Variants in ERCC6L2 observed in about 807,000 individuals in gnomAD.
ERCC6L2 encodes the protein ERCC excision repair 6 like 2, also known as DNA excision repair protein ERCC-6-like 2.
ERCC6L2 carries 77 observed loss-of-function variants against 132.0 expected under a neutral mutation model. That is an observed-to-expected ratio of 0.58 (90% CI 0.49 to 0.71). ERCC6L2 has a LOEUF of 0.71. Among genes scored for constraint, ERCC6L2 ranks in the 30% least tolerant of loss-of-function variants. ERCC6L2 has a pLI of 0.00. For synonymous variants in ERCC6L2, 583 were observed against 632.4 expected, an observed-to-expected ratio of 0.92 and a Z score of 1.17; for missense variants, 1,542 against 1,837.6, an observed-to-expected ratio of 0.84 and a Z score of 2.94.
At chr9:95,878,714 T>G (rs907277209) in intron 1 of ERCC6L2, among the ~76,000 whole-genome samples, 1 of 146,694 alleles carries the variant, frequency 6.8e-6, no homozygotes, top group Non-Finnish European at 1.5e-5. Flanking sequence ...TGTCCATGTG[T>G]TCTCATTGTT....
intron 11 of ERCC6L2, among the ~76,000 whole-genome samples, chr9:95,938,933 TTTTTAGTGTA>T (rs1334598860): frequency 6.6e-6 from 1 of 151,950 alleles, no homozygotes; most frequent in African/African-American, 2.4e-5. Flanking sequence ...TGTATAGTGT[TTTTTAGTGTA>T]TTGCTTTGTG....
chr9:95,958,176 A>G (rs1356771112), intron 13 of ERCC6L2, among the ~76,000 whole-genome samples: 1 of 151,834 alleles, frequency 6.6e-6, no homozygotes, highest in Non-Finnish European at 1.5e-5. Flanking sequence ...TTCCAATGTC[A>G]TCCATGTCCC....
chr9:96,011,306 T>C (rs917346934), intron 18 of ERCC6L2, among the ~76,000 whole-genome samples: 1 of 152,234 alleles, frequency 6.6e-6, no homozygotes, highest in Non-Finnish European at 1.5e-5. Flanking sequence ...GTGTGGGTTC[T>C]CTGGCATCTC....
At position 96,034,184 on chromosome 9, in the gene ERCC6L2, T is replaced by G. The variant is rs1834494090; in HGVS notation, c.*1504-4692T>G. 1.3e-5 allele frequency among the ~76,000 whole-genome samples: 2 copies of G among 152,166 alleles called. 1 individual carries two copies. The highest frequency in any genetic ancestry group is 1.3e-4 in the Admixed American group (2 of 15,266). ...GTGCTGCACGCAGTCAGGGTAGGGATAGGAGGGGGGTCCGGCTGACGTTCC... is the reference window on the plus strand; with the variant it reads ...GTGCTGCACGCAGTCAGGGTAGGGAGAGGAGGGGGGTCCGGCTGACGTTCC... On this transcript the variant is annotated intron_variant and NMD_transcript_variant, in intron 19 of 20. Coordinates refer to the ERCC6L2 transcript ENST00000670016.
intron 2 of ERCC6L2, among the ~76,000 whole-genome samples, chr9:95,892,818 C>T (rs992805381): frequency 1.3e-5 from 2 of 152,116 alleles, no homozygotes; most frequent in African/African-American, 4.8e-5. Flanking sequence ...TTATATCTTC[C>T]TGATGAATTG....
At position 95,921,219 on chromosome 9, in the gene ERCC6L2, A is replaced by G; in HGVS notation, c.1203A>G (p.Gln401=). 3 of 1,613,534 alleles carry G rather than the reference A, an allele frequency of 1.9e-6. No homozygotes were observed. Among genetic ancestry groups the G allele is most frequent in the Non-Finnish European group, 2.5e-6 (3 of 1,179,604 alleles). The stretch of plus-strand genomic sequence containing the variant: ...CAGATTTCCAGAAAGCTGTCTATCA[A>G]ACAGTGTTAGAAACAGAGGACGTGA... The part of the protein sequence containing the change: ...SLTDFQKAVY[Q]TVLETEDVTL... The change falls in exon 7 of 19, where the codon CAA becomes CAG. Residue 401 remains glutamine, a synonymous_variant. Coordinates refer to ENST00000653738, the MANE Select transcript of ERCC6L2 (RefSeq NM_020207.7).
At chr9:96,003,463 C>A (rs1833758250) in intron 17 of ERCC6L2, among the ~76,000 whole-genome samples, 1 of 152,242 alleles carries the variant, frequency 6.6e-6, no homozygotes, top group Non-Finnish European at 1.5e-5. Flanking sequence ...GTGATTCTTT[C>A]TATCTAGAGT....
downstream of ERCC6L2, among the ~76,000 whole-genome samples, chr9:96,023,423 G>C (rs545991657): frequency 2.0e-5 from 3 of 152,260 alleles, no homozygotes; most frequent in Non-Finnish European, 4.4e-5. Context: ...GGGTCTCAAA[G>C]AGCAGACTGT....
chr9:95,968,686 A>G (rs1206441216), intron 14 of ERCC6L2: 1 of 152,270 alleles, frequency 6.6e-6, no homozygotes, highest in East Asian at 1.9e-4. Context: ...TCTGTTTTGC[A>G]TTGACTTTCC....
rs1466865601 is a variant in ERCC6L2, at chr9:95,974,417, ATAT to A, written c.3337+1335_3337+1337del. On this transcript the variant is annotated intron_variant, in intron 16 of 18. Transcript: ENST00000653738. ...GGGTCTCAATTCATTGCAATTAATAATATTATTAAGGCTCCATTGTCCTATCTG... is the reference window on the plus strand; with the variant it reads ...GGGTCTCAATTCATTGCAATTAATAATATTAAGGCTCCATTGTCCTATCTG... Among the ~76,000 whole-genome samples the A allele has an allele frequency of 5.9e-5, 9 of 152,318 alleles. No individual in the cohort carries two copies. The East Asian group carries it at 1.3e-3, about 23-fold the overall frequency.
intron 12 of ERCC6L2, among the ~76,000 whole-genome samples, chr9:95,951,931 A>G (rs972933681): frequency 2.6e-5 from 4 of 151,894 alleles, no homozygotes; most frequent in Admixed American, 2.0e-4. Context: ...GCATTTTAGG[A>G]GGTCAAGGCA....
chr9:95,943,205 T>C (rs1830885784), intron 12 of ERCC6L2, among the ~76,000 whole-genome samples: 1 of 152,126 alleles, frequency 6.6e-6, no homozygotes. Flanking sequence ...AGGGATGGTA[T>C]GAAAAAATTA....
At position 95,972,791 on chromosome 9, in the gene ERCC6L2, C is replaced by A; in HGVS notation, c.3040C>A (p.His1014Asn). ...KRIKETKKEL[H>N]NSPKTMNKTN... ...AATAAAAGAAACCAAAAAAGAACTT[C>A]ACAATTCTCCCAAAACAATGAACAA... is the stretch of plus-strand genomic sequence containing the variant. The change falls in exon 16 of 19, where the codon CAC becomes AAC. Residue 1014 changes from histidine (H) to asparagine (N), a missense_variant. Coordinates refer to ENST00000653738, the MANE Select transcript of ERCC6L2 (RefSeq NM_020207.7). 1 of 1,304,256 alleles carries A rather than the reference C, an allele frequency of 7.7e-7. No homozygotes were observed. Among genetic ancestry groups the A allele is most frequent in the East Asian group, 5.5e-5 (1 of 18,024 alleles). The allele number at this position is 1,304,256 out of a possible 1,614,324, so 80.8% of individuals were successfully genotyped here. A position where few individuals can be genotyped will look rare whatever the true frequency, so the allele number is the denominator to read the frequency against.
At position 95,978,098 on chromosome 9, in the gene ERCC6L2, GAATGT is replaced by G; in HGVS notation, c.3379_3383del (p.Val1127TrpfsTer6). 1 of 1,367,266 alleles carries G rather than the reference GAATGT, an allele frequency of 7.3e-7. No homozygotes were observed. The highest frequency in any genetic ancestry group is 1.1e-5 in the South Asian group (1 of 87,986). 84.7% of individuals were successfully genotyped at this position (1,367,266 alleles called of 1,614,324 possible). ...AAGTGGCTTATATTCACTCAAACCA[GAATGT>G]AATTGGATCGAGCAAAGCTGAAAAT... is the stretch of plus-strand genomic sequence containing the variant. On this transcript the variant is annotated frameshift_variant, in exon 17 of 19. Transcript: ENST00000653738. LOFTEE classifies it high-confidence loss of function.
At position 95,941,514 on chromosome 9, in the gene ERCC6L2, T is replaced by C. The variant is rs772578392; in HGVS notation, c.1812T>C (p.Thr604=). The change falls in exon 12 of 19, where the codon ACT becomes ACC. Residue 604 remains threonine (T), a synonymous_variant. Transcript: ENST00000653738. ...ATGTTGTTGTATTATTTGATCCTAC[T>C]TGGAATCCAGCCAATGATCTTCAAG... ...GANVVVLFDP[T]WNPANDLQAI... is the part of the protein sequence containing the mutation. 1 of 1,613,270 alleles carries C rather than the reference T, an allele frequency of 6.2e-7. No homozygotes were observed. The highest frequency in any genetic ancestry group is 1.1e-5 in the South Asian group (1 of 91,048).
At chr9:95,954,291 A>G (rs1831490666) in intron 12 of ERCC6L2, among the ~76,000 whole-genome samples, 1 of 152,030 alleles carries the variant, frequency 6.6e-6, no homozygotes, top group Non-Finnish European at 1.5e-5. Context: ...ATCTTGTTGT[A>G]TTTTGTACTT....
intron 2 of ERCC6L2, among the ~76,000 whole-genome samples, chr9:95,890,756 C>T (rs1233819804): frequency 6.6e-6 from 1 of 152,090 alleles, no homozygotes; most frequent in African/African-American, 2.4e-5. Flanking sequence ...CAGCCTTGAC[C>T]TCCTGGGCTC....
intron 17 of ERCC6L2, among the ~76,000 whole-genome samples, chr9:95,993,808 C>T (rs2133166594): frequency 6.6e-6 from 1 of 152,088 alleles, no homozygotes; most frequent in African/African-American, 2.4e-5. Flanking sequence ...GAAAGCAGAC[C>T]CATGGTTAAA....
At chr9:95,888,833 A>G (rs1828012274) in intron 2 of ERCC6L2, among the ~76,000 whole-genome samples, 3 of 152,070 alleles carry the variant, frequency 2.0e-5, no homozygotes, top group African/African-American at 4.8e-5. Flanking sequence ...CCCTTCCCTA[A>G]CTGTCTTTTG....
Sources: allele counts gnomAD v4.1 joint callset (sites outside exome capture counted in the v4.1 genomes callset), GRCh38; gene constraint gnomAD v4.1.1; transcripts MANE v1.5; gene names NCBI Gene and HGNC (gene_info 2026-07-23, HGNC 2026-07-21).